The following TADA2B variants were observed in gnomAD, a reference collection of about 807,000 sequenced individuals.
TADA2B encodes the protein transcriptional adaptor 2B.
In TADA2B, 13 loss-of-function variants were observed where a neutral mutation model predicts 34.5. That is an observed-to-expected ratio of 0.38 (90% CI 0.25 to 0.60). The LOEUF (loss-of-function observed/expected upper bound fraction) is 0.60, where lower values mean the gene tolerates loss of function less well. Among genes scored for constraint, TADA2B ranks in the 20% least tolerant of loss-of-function variants. The pLI is 0.65. For synonymous variants in TADA2B, 240 were observed against 243.4 expected, an observed-to-expected ratio of 0.99 and a Z score of 0.13; for missense variants, 442 against 575.0, an observed-to-expected ratio of 0.77 and a Z score of 2.37.
Position 7,056,026 on chromosome 4 carries a change from C to A in TADA2B, c.*972C>A, listed in dbSNP as rs1043091856. ...CAGGATTTTCTTCAGTTGCAAGTAC[C>A]TTTCCACTGAAAATATGAGCATGCC... is the stretch of plus-strand genomic sequence containing the variant. On this transcript the variant is annotated 3_prime_UTR_variant, in exon 2 of 2. Coordinates refer to ENST00000310074, the MANE Select transcript of TADA2B (RefSeq NM_152293.3). The A allele has an allele frequency of 6.6e-6, 1 of 152,364 alleles. No individual in the cohort carries two copies. Among genetic ancestry groups the A allele is most frequent in the African/African-American group, 2.4e-5 (1 of 41,464 alleles). The allele number at this position is 152,364 out of a possible 1,614,324, so 9.4% of individuals were successfully genotyped here.
At chr4:7,050,610 A>C (rs560066290) in intron 1 of TADA2B, among the ~76,000 whole-genome samples, 3,692 of 152,292 alleles carry the variant, frequency 0.024, 68 homozygotes, top group Non-Finnish European at 0.036. Context: ...GCAGAGCCGC[A>C]GGGCTTTGCG....
intron 1 of TADA2B, among the ~76,000 whole-genome samples, chr4:7,051,130 A>T (rs1390412292): frequency 1.3e-5 from 2 of 152,184 alleles, no homozygotes; most frequent in African/African-American, 2.4e-5. Context: ...AGGTCAGGAA[A>T]CAAGCTGAGA....
intron 1 of TADA2B, among the ~76,000 whole-genome samples, chr4:7,050,130 T>C (rs1319935671): frequency 6.6e-6 from 1 of 152,248 alleles, no homozygotes; most frequent in Non-Finnish European, 1.5e-5. Flanking sequence ...CTCTGACCTG[T>C]GCAGATGGGA....
rs755058859 is a variant in TADA2B at position 7,054,853 on chromosome 4, C to A, written c.1062C>A (p.Arg354=). ...NLPGFELLSD[R]EKVLCSSLNL... ...CAGGCTTCGAGCTCCTGTCAGATCG[C>A]GAGAAGGTGCTCTGCAGCTCTTTAA... Residue 354 remains arginine (R), a synonymous_variant, in exon 2 of 2, where the codon CGC becomes CGA. Transcript: ENST00000310074. 6.2e-7 allele frequency: 1 copy of A among 1,613,862 alleles called. No homozygotes were observed. The highest frequency in any genetic ancestry group is 1.1e-5 in the South Asian group (1 of 91,078).
Position 7,043,667 on chromosome 4 carries a change from G to C in TADA2B, c.88G>C (p.Glu30Gln). The C allele has an allele frequency of 6.3e-7, 1 of 1,580,772 alleles. No homozygotes were observed. Among genetic ancestry groups the C allele is most frequent in the Non-Finnish European group, 8.6e-7 (1 of 1,166,024 alleles). Residue 30 changes from glutamate (E) to glutamine (Q), a missense_variant, in exon 1 of 2, where the codon GAG (glutamate) becomes CAG (glutamine). Glu to Gln is a conservative substitution (Grantham distance 29, BLOSUM62 2). Around this residue, in one of 4 missense-constraint regions of TADA2B, gnomAD observed 102 missense variants for 177.2 expected, o/e 0.58. Coordinates refer to ENST00000310074, the MANE Select transcript of TADA2B (RefSeq NM_152293.3). ...CCGCTGCACCGAGTGCCAGGACATC[G>C]AGCTGTGCCCCGAGTGCTTCTCGGC... ...RFRCTECQDI[E>Q]LCPECFSAGA...
chr4:7,044,656 G>C (rs750750666), intron 1 of TADA2B, among the ~76,000 whole-genome samples: 4 of 152,170 alleles, frequency 2.6e-5, no homozygotes, highest in Non-Finnish European at 5.9e-5. Flanking sequence ...GTATTAGAAA[G>C]GAGAAAATCT....
intron 1 of TADA2B, chr4:7,053,795 C>G: frequency 2.2e-6 from 1 of 448,780 alleles, no homozygotes; most frequent in Non-Finnish European, 4.0e-6. Context: ...CACCAGCTCA[C>G]CCCAAGACCT....
intron 1 of TADA2B, among the ~76,000 whole-genome samples, chr4:7,051,588 G>GTT (rs34072145): frequency 6.9e-5 from 10 of 144,718 alleles, no homozygotes; most frequent in African/African-American, 1.3e-4. Context: ...AAGTAAGTAA[G>GTT]TTTTTTTTTT....
chr4:7,052,175 A>G (rs1723788119), intron 1 of TADA2B, among the ~76,000 whole-genome samples: 1 of 152,208 alleles, frequency 6.6e-6, no homozygotes, highest in Non-Finnish European at 1.5e-5. Context: ...CTTGGACAGA[A>G]GCTGGTGTCG....
At position 7,054,473 on chromosome 4, in the gene TADA2B, C is replaced by T; in HGVS notation, c.682C>T (p.Leu228=). The T allele has an allele frequency of 2.5e-6, 4 of 1,613,738 alleles. No homozygotes were observed. The highest frequency in any genetic ancestry group is 3.4e-6 in the Non-Finnish European group (4 of 1,179,902). Residue 228 remains leucine (L), a synonymous_variant, in exon 2 of 2, where the codon CTG becomes TTG. Transcript: ENST00000310074. ...GAAGAACATCGCCCGTGACTACAAT[C>T]TGGTGCCAGCCTTCCTGGGGAAGGA... ...RRKNIARDYN[L]VPAFLGKDKK... is the part of the protein sequence containing the mutation.
rs1301926993 is a variant in TADA2B, at chr4:7,054,791, G to C, written c.1000G>C (p.Gly334Arg). The C allele has an allele frequency of 6.2e-7, 1 of 1,613,770 alleles. No individual in the cohort carries two copies. Among genetic ancestry groups the C allele is most frequent in the African/African-American group, 1.3e-5 (1 of 74,912 alleles). Residue 334 changes from glycine to arginine, a missense_variant, in exon 2 of 2, where the codon GGC becomes CGC. By Grantham distance (125) the Gly-to-Arg change is moderately radical. This residue lies in a region of TADA2B where 114 missense variants were observed against 144.7 expected (regional missense o/e 0.79). Transcript: ENST00000310074. ...CGGCTCCAAACGGGGAAAGGAGGAC[G>C]GCAAAGACAGCGAGTTCGCCGCCAT... is the stretch of plus-strand genomic sequence containing the variant. ...LAGSKRGKED[G>R]KDSEFAAIEN...
chr4:7,047,398 G>A (rs185081697), intron 1 of TADA2B, among the ~76,000 whole-genome samples: 3 of 152,358 alleles, frequency 2.0e-5, no homozygotes, highest in East Asian at 1.9e-4. Flanking sequence ...GGAAGGCCTT[G>A]TGCACACACG....
chr4:7,051,875 G>A (rs1240139082), intron 1 of TADA2B, among the ~76,000 whole-genome samples: 1 of 152,212 alleles, frequency 6.6e-6, no homozygotes. Context: ...GGGATTACAG[G>A]CGTGAGCCAC....
rs1486814123 is a variant in TADA2B at position 7,055,291 on chromosome 4, G to A, written c.*237G>A. On this transcript the variant is annotated 3_prime_UTR_variant, in exon 2 of 2. Transcript: ENST00000310074. Reference sequence around the variant, plus strand: ...TGAGTTCCTGCGAGTCATACACTGCGATGATGCTCCGCCTTTACCCGTTCA... The same window carrying A: ...TGAGTTCCTGCGAGTCATACACTGCAATGATGCTCCGCCTTTACCCGTTCA... 6 of 521,630 alleles carry A rather than the reference G, an allele frequency of 1.2e-5. No homozygotes were observed. Among genetic ancestry groups the A allele is most frequent in the African/African-American group, 1.9e-5 (1 of 52,258 alleles). The allele number at this position is 521,630 out of a possible 1,614,324, so 32.3% of individuals were successfully genotyped here.
At position 7,055,072 on chromosome 4, in the gene TADA2B, A is replaced by G. The variant is rs760153953; in HGVS notation, c.*18A>G. 2 of 1,592,746 alleles carry G rather than the reference A, an allele frequency of 1.3e-6. No homozygotes were observed. Among genetic ancestry groups the G allele is most frequent in the African/African-American group, 2.7e-5 (2 of 73,794 alleles). ...CGTCTTGAAGCTGAGACGCTTTGAAAGCCAGGGTGATGCTCAGACAGTGTG... is the reference window on the plus strand; with the variant it reads ...CGTCTTGAAGCTGAGACGCTTTGAAGGCCAGGGTGATGCTCAGACAGTGTG... On this transcript the variant is annotated 3_prime_UTR_variant, in exon 2 of 2. Transcript: ENST00000310074.
chr4:7,047,475 A>G (rs971764256), intron 1 of TADA2B, among the ~76,000 whole-genome samples: 1 of 152,228 alleles, frequency 6.6e-6, no homozygotes. Context: ...CTTTGAGATG[A>G]TGGTGGACAC....
intron 1 of TADA2B, 172 bp from the exon 2 acceptor site, chr4:7,053,890 C>T (rs1723826402): frequency 1.5e-6 from 1 of 683,288 alleles, no homozygotes; most frequent in Non-Finnish European, 2.4e-6. Flanking sequence ...TCATCTCTCC[C>T]CTGAGCCCAG....
chr4:7,054,934 C>G lies in TADA2B; in HGVS notation c.1143C>G (p.Leu381=), dbSNP rs773462565. The change falls in exon 2 of 2, where the codon CTC becomes CTG. Residue 381 remains leucine (L), a synonymous_variant. Coordinates refer to ENST00000310074, the MANE Select transcript of TADA2B (RefSeq NM_152293.3). ...AGACTATTATAATTAAAGACCACCT[C>G]CAGAAGCGGCAAGGAATCCCCTCCA... ...TVKTIIIKDH[L]QKRQGIPSKS... The G allele has an allele frequency of 1.2e-6, 2 of 1,613,800 alleles. No individual in the cohort carries two copies. The highest frequency in any genetic ancestry group is 1.7e-5 in the Admixed American group (1 of 59,990).
chr4:7,051,230 C>A (rs1440912322), intron 1 of TADA2B, among the ~76,000 whole-genome samples: 1 of 152,166 alleles, frequency 6.6e-6, no homozygotes, highest in Non-Finnish European at 1.5e-5. Context: ...ATAAACCTTC[C>A]CTGTGGGAGG....
Sources: allele counts gnomAD v4.1 joint callset (sites outside exome capture counted in the v4.1 genomes callset), GRCh38; gene constraint gnomAD v4.1.1; regional missense constraint gnomAD v4.1.1; transcripts MANE v1.5; gene names NCBI Gene and HGNC (gene_info 2026-07-23, HGNC 2026-07-21).